HIVEP3: variants seen among roughly 807,000 people sequenced by gnomAD.
HIVEP3 encodes transcription factor HIVEP3.
HIVEP3 carries 49 observed loss-of-function variants against 152.8 expected under a neutral mutation model. That is an observed-to-expected ratio of 0.32 (90% confidence interval 0.26 to 0.41). The LOEUF is 0.41. HIVEP3 is among the 10% of genes least tolerant of loss of function. The pLI, the probability that HIVEP3 is intolerant of heterozygous loss-of-function variation, is 1.00. For synonymous variants in HIVEP3, 1,269 were observed against 1,289.0 expected, an observed-to-expected ratio of 0.98 and a Z score of 0.33; for missense variants, 2,790 against 3,103.3, an observed-to-expected ratio of 0.90 and a Z score of 2.40.
chr1:41,864,663 A>T (rs1316418505), intron 1 of HIVEP3: 1 of 152,272 alleles, frequency 6.6e-6, no homozygotes, highest in Admixed American at 6.5e-5. Context: ...CAGGATGGAA[A>T]GGAATTCACA....
rs147149322 is a variant in HIVEP3 at position 41,839,881 on chromosome 1, T to C, written c.-801+78532A>G. 2.6e-3 allele frequency among the ~76,000 whole-genome samples: 390 copies of C among 152,346 alleles called. 4 individuals are homozygous for C. Among genetic ancestry groups the C allele is most frequent in the African/African-American group, 8.7e-3 (361 of 41,574 alleles). On this transcript the variant is annotated intron_variant, in intron 1 of 8. Coordinates refer to ENST00000372583, the MANE Select transcript of HIVEP3 (RefSeq NM_024503.5). ...AAACATTCAAACCCTCCTTCTCTTA[T>C]TTTATTCTCAGGAGGGTTTAGAGCC...
At chr1:41,904,208 C>G (rs1008303070) in intron 1 of HIVEP3, among the ~76,000 whole-genome samples, 2 of 152,016 alleles carry the variant, frequency 1.3e-5, no homozygotes, top group Non-Finnish European at 2.9e-5. Context: ...TGACCATTTT[C>G]TGATTGGCAG....
At chr1:41,825,091 G>A (rs1319189007) in intron 1 of HIVEP3, among the ~76,000 whole-genome samples, 3 of 152,104 alleles carry the variant, frequency 2.0e-5, no homozygotes, top group Non-Finnish European at 4.4e-5. Context: ...TCACCTGGGT[G>A]CAGGCGGGCT....
intron 1 of HIVEP3, among the ~76,000 whole-genome samples, chr1:42,006,452 A>G (rs893067478): frequency 3.3e-5 from 5 of 152,306 alleles, no homozygotes; most frequent in Admixed American, 3.3e-4. Flanking sequence ...ATTATTTGCC[A>G]TATCAGAAAG....
At chr1:42,017,928 C>T (rs1645533099) in intron 1 of HIVEP3, among the ~76,000 whole-genome samples, 2 of 152,046 alleles carry the variant, frequency 1.3e-5, no homozygotes, top group South Asian at 4.1e-4. Flanking sequence ...ATGTTCTTGT[C>T]AACATTTGGT....
intron 1 of HIVEP3, among the ~76,000 whole-genome samples, chr1:41,875,620 G>A (rs778107349): frequency 2.6e-5 from 4 of 152,162 alleles, no homozygotes; most frequent in African/African-American, 4.8e-5. Flanking sequence ...CTTGTGCCCC[G>A]AGCTTCAGGA....
rs546081521 is a variant in HIVEP3, at chr1:41,844,425, C to T, written c.-801+73988G>A. On this transcript the variant is annotated intron_variant, in intron 1 of 8. Transcript: ENST00000372583. ...AAGTAGCAACACACGTTATCATGCA[C>T]ACAGAGTCCTCTGCAGGCAAAGGCG... 7.2e-5 allele frequency among the ~76,000 whole-genome samples: 11 copies of T among 152,320 alleles called. No individual in the cohort carries two copies. In the South Asian group the frequency reaches 2.3e-3, roughly 32 times the overall value.
chr1:41,684,521 C>T (rs762643776), intron 2 of HIVEP3, among the ~76,000 whole-genome samples: 5 of 152,128 alleles, frequency 3.3e-5, no homozygotes, highest in Admixed American at 6.5e-5. Context: ...CTGTGCAGGC[C>T]GAAGGTTCAT....
intron 1 of HIVEP3, among the ~76,000 whole-genome samples, chr1:41,777,671 T>C (rs1452330186): frequency 6.6e-6 from 1 of 152,250 alleles, no homozygotes; most frequent in Non-Finnish European, 1.5e-5. Flanking sequence ...AGGCAGTTCA[T>C]CGGTTAGACC....
chr1:41,989,354 G>C (rs1484055746), intron 1 of HIVEP3, among the ~76,000 whole-genome samples: 1 of 152,044 alleles, frequency 6.6e-6, no homozygotes, highest in Non-Finnish European at 1.5e-5. Context: ...TGTACAATTT[G>C]TATTTGTCAA....
At chr1:41,681,089 G>GGGGTGTGTGTGTGTGT (rs976543884) in intron 2 of HIVEP3, among the ~76,000 whole-genome samples, 2 of 148,244 alleles carry the variant, frequency 1.3e-5, no homozygotes, top group Non-Finnish European at 3.0e-5. Context: ...GCTAAGAACT[G>GGGGTGTGTGTGTGTGT]GTGTGTGTGT....
intron 1 of HIVEP3, among the ~76,000 whole-genome samples, chr1:41,841,580 G>T (rs1265533335): frequency 6.6e-6 from 1 of 152,138 alleles, no homozygotes; most frequent in African/African-American, 2.4e-5. Context: ...GAGGGGAACG[G>T]CCTGTGTGCT....
At chr1:41,840,178 G>C (rs527904045) in intron 1 of HIVEP3, among the ~76,000 whole-genome samples, 20 of 152,294 alleles carry the variant, frequency 1.3e-4, no homozygotes, top group Admixed American at 1.3e-3. Flanking sequence ...GGGTTGAATA[G>C]TGTCCCCCCA....
chr1:41,950,281 T>A (rs1324344791), intron 1 of HIVEP3, among the ~76,000 whole-genome samples: 1 of 152,206 alleles, frequency 6.6e-6, no homozygotes. Flanking sequence ...ATGGGAGTTC[T>A]GTTTTCATTC....
At chr1:41,564,791 C>T (rs1644135463) in intron 5 of HIVEP3, among the ~76,000 whole-genome samples, 1 of 152,224 alleles carries the variant, frequency 6.6e-6, no homozygotes, top group Admixed American at 6.5e-5. Context: ...GAAGGATGGT[C>T]TCTGTAAGAT....
intron 1 of HIVEP3, among the ~76,000 whole-genome samples, chr1:42,031,284 C>T (rs1645611104): frequency 6.6e-6 from 1 of 152,194 alleles, no homozygotes; most frequent in Admixed American, 6.5e-5. Context: ...ATTGAAATAC[C>T]TCCTGGGTGG....
chr1:41,820,335 T>G (rs937012237), intron 1 of HIVEP3, among the ~76,000 whole-genome samples: 1 of 152,228 alleles, frequency 6.6e-6, no homozygotes, highest in Non-Finnish European at 1.5e-5. Context: ...TGATCTGTTT[T>G]ATCCCCAGAA....
rs78632595 is a variant in HIVEP3, at chr1:41,532,891, G to A, written c.5208-7981C>T. On this transcript the variant is annotated intron_variant, in intron 5 of 8. Transcript: ENST00000372583. ...CAAGACAGAAGAGGGTAGTGCCGAC[G>A]GCAGAGACCTGGGTGGCACCCAAAT... Among the ~76,000 whole-genome samples, 573 of 152,256 alleles carry A rather than the reference G, an allele frequency of 3.8e-3. 3 individuals are homozygous for A. Among genetic ancestry groups the A allele is most frequent in the African/African-American group, 5.9e-3 (243 of 41,536 alleles).
In HIVEP3 at chr1:41,938,155, G is replaced by A. The variant is rs960051978; in HGVS notation, n.120-19631C>T. Among the ~76,000 whole-genome samples, 10 of 152,100 alleles carry A rather than the reference G, an allele frequency of 6.6e-5. 1 individual carries two copies. Among genetic ancestry groups the A allele is most frequent in the Non-Finnish European group, 2.9e-5 (2 of 68,020 alleles). Reference sequence around the variant, plus strand: ...ACGCAATTTAAATGCCATCTCCTCAGAGCTGAGTTTCCTGACCACTCTATT... The same window carrying A: ...ACGCAATTTAAATGCCATCTCCTCAAAGCTGAGTTTCCTGACCACTCTATT... On this transcript the variant is annotated intron_variant and non_coding_transcript_variant, in intron 1 of 3. Coordinates refer to the HIVEP3 transcript ENST00000489103.
Sources: allele counts gnomAD v4.1 joint callset (sites outside exome capture counted in the v4.1 genomes callset), GRCh38; gene constraint gnomAD v4.1.1; transcripts MANE v1.5; gene names NCBI Gene and HGNC (gene_info 2026-07-23, HGNC 2026-07-21).